The following GPHN variants were observed in gnomAD, a reference collection of about 807,000 sequenced individuals.
GPHN encodes the protein gephyrin.
In GPHN, 17 loss-of-function variants were observed where a neutral mutation model predicts 95.5. That is an observed-to-expected ratio of 0.18 (90% CI 0.12 to 0.27). The LOEUF is 0.27. GPHN is among the 10% of genes least tolerant of loss of function. The pLI is 1.00. For synonymous variants in GPHN, 320 were observed against 322.5 expected, an observed-to-expected ratio of 0.99 and a Z score of 0.08; for missense variants, 660 against 978.1, an observed-to-expected ratio of 0.67 and a Z score of 4.34.
At position 66,930,595 on chromosome 14, in the gene GPHN, G is replaced by A. The variant is rs547369771; in HGVS notation, c.828+6303G>A. ...GGCTGGAGTGTAATGGTATAATCAC[G>A]GCTCAGTGTAGCCTTGGCCTCTTGG... On this transcript the variant is annotated intron_variant, in intron 8 of 22. Coordinates refer to ENST00000478722, the MANE Select transcript of GPHN (RefSeq NM_020806.5). 1.7e-4 allele frequency among the ~76,000 whole-genome samples: 25 copies of A among 148,158 alleles called. No individual in the cohort carries two copies. In the South Asian group the frequency reaches 5.1e-3, roughly 30 times the overall value.
At chr14:66,561,951 C>T (rs1169767532) in intron 1 of GPHN, among the ~76,000 whole-genome samples, 2 of 152,054 alleles carry the variant, frequency 1.3e-5, no homozygotes, top group Non-Finnish European at 2.9e-5. Context: ...TCTTTTCTTC[C>T]TTCTTCAAAG....
At chr14:67,296,894 A>G in the GPHN span, among the ~76,000 whole-genome samples, 317 of 152,138 alleles carry the variant, frequency 2.1e-3, no homozygotes, top group African/African-American at 7.1e-3. Context: ...GGCTCAAACA[A>G]TCCTTCCATC....
At chr14:66,945,834 C>T (rs2067713851) in intron 8 of GPHN, among the ~76,000 whole-genome samples, 1 of 152,120 alleles carries the variant, frequency 6.6e-6, no homozygotes, top group Non-Finnish European at 1.5e-5. Flanking sequence ...AAAATTTTCC[C>T]TATAGACATA....
Position 66,748,207 on chromosome 14 carries a change from CA to C in GPHN, c.144-28249del, listed in dbSNP as rs1159501245. ...TTAATTACCCCATTACTTGAGAATG[CA>C]AAAAAAATACTTTTACTATAGTACT... On this transcript the variant is annotated intron_variant, in intron 2 of 22. Coordinates refer to ENST00000478722, the MANE Select transcript of GPHN (RefSeq NM_020806.5). Among the ~76,000 whole-genome samples, 6 of 151,218 alleles carry C rather than the reference CA, an allele frequency of 4.0e-5. No individual in the cohort carries two copies. In the East Asian group the frequency reaches 5.8e-4, roughly 15 times the overall value.
At chr14:66,994,594 A>G (rs1192785933) in intron 9 of GPHN, among the ~76,000 whole-genome samples, 1 of 152,236 alleles carries the variant, frequency 6.6e-6, no homozygotes, top group Non-Finnish European at 1.5e-5. Context: ...TCCTAGCAAT[A>G]GAAAATAGAG....
chr14:67,616,743 A>T, the GPHN span: 1 of 152,132 alleles, frequency 6.6e-6, no homozygotes, highest in Non-Finnish European at 1.5e-5. Flanking sequence ...ATGGGATGCA[A>T]CTTTAAACAT....
At chr14:67,324,287 GGTA>G in the GPHN span, among the ~76,000 whole-genome samples, 1 of 152,098 alleles carries the variant, frequency 6.6e-6, no homozygotes, top group Non-Finnish European at 1.5e-5. Flanking sequence ...ATATGGTTGA[GGTA>G]GTCCATGTCA....
chr14:67,270,093 T>C, the GPHN span: 1 of 152,248 alleles, frequency 6.6e-6, no homozygotes, highest in African/African-American at 2.4e-5. Flanking sequence ...TGCTGACCTG[T>C]CTTGATTCTC....
chr14:67,338,824 T>G, the GPHN span: 17 of 1,458,946 alleles, frequency 1.2e-5, no homozygotes, highest in Admixed American at 1.7e-4. Flanking sequence ...TAGATTTGAT[T>G]TCTTTGAGTT....
intron 9 of GPHN, among the ~76,000 whole-genome samples, chr14:66,973,513 C>T (rs1236498883): frequency 6.6e-6 from 1 of 152,190 alleles, no homozygotes; most frequent in African/African-American, 2.4e-5. Context: ...AATTCCAGCA[C>T]TTTGGAACGC....
intron 17 of GPHN, among the ~76,000 whole-genome samples, chr14:67,129,803 G>GGAGGGAGGGAGGAAGGAAGGAAGGGA (rs1325331311): frequency 6.7e-6 from 1 of 149,706 alleles, no homozygotes; most frequent in Non-Finnish European, 1.5e-5. Flanking sequence ...AGAGGGAGAG[G>GGAGGGAGGGAGGAAGGAAGGAAGGGA]GAGGGAGGGA....
the GPHN span, chr14:67,345,770 G>T: frequency 6.2e-7 from 1 of 1,609,786 alleles, no homozygotes; most frequent in Non-Finnish European, 8.5e-7. Context: ...CTACTTACCT[G>T]CAGAGAAGCT....
the GPHN span, among the ~76,000 whole-genome samples, chr14:67,665,154 A>C: frequency 6.6e-6 from 1 of 152,290 alleles, no homozygotes; most frequent in Admixed American, 6.5e-5. Flanking sequence ...CACCCGGCCA[A>C]GCCCTGACTT....
chr14:66,692,507 C>G (rs2067847813), intron 2 of GPHN, among the ~76,000 whole-genome samples: 1 of 152,168 alleles, frequency 6.6e-6, no homozygotes, highest in African/African-American at 2.4e-5. Context: ...GGACTCCAAC[C>G]TACGTCTCTC....
At chr14:66,609,037 G>A (rs1188544969) in intron 1 of GPHN, among the ~76,000 whole-genome samples, 1 of 152,056 alleles carries the variant, frequency 6.6e-6, no homozygotes, top group Non-Finnish European at 1.5e-5. Flanking sequence ...TTTTTAGCTG[G>A]TTGTTTTGTA....
chr14:67,415,968 G>A, the GPHN span, among the ~76,000 whole-genome samples: 1 of 152,146 alleles, frequency 6.6e-6, no homozygotes, highest in South Asian at 2.1e-4. Flanking sequence ...CACACACTGG[G>A]GCCTGTCAGG....
intron 1 of GPHN, among the ~76,000 whole-genome samples, chr14:66,621,205 G>A (rs1212867187): frequency 6.7e-6 from 1 of 149,986 alleles, no homozygotes; most frequent in African/African-American, 2.5e-5. Context: ...TCGATTTCCT[G>A]ACCTCATGAT....
At chr14:66,776,596 T>C (rs758913814) in intron 3 of GPHN, 75 bp downstream of exon 3, 14 of 848,654 alleles carry the variant, frequency 1.6e-5, no homozygotes, top group Non-Finnish European at 2.9e-5. Flanking sequence ...GCTTTTTCTT[T>C]ATGCCATTGA....
chr14:67,289,388 T>C, the GPHN span, among the ~76,000 whole-genome samples: 2 of 152,178 alleles, frequency 1.3e-5, no homozygotes, highest in African/African-American at 2.4e-5. Flanking sequence ...CTAGAGCTGA[T>C]TTTAGGTAAC....
Sources: gnomAD v4.1 joint callset for allele counts (sites outside exome capture counted in the v4.1 genomes callset) on GRCh38, gnomAD v4.1.1 for gene constraint, MANE v1.5 for transcripts, NCBI Gene and HGNC (gene_info 2026-07-23, HGNC 2026-07-21) for gene names.